ALDH7A1: variants seen among roughly 807,000 people sequenced by gnomAD.
The protein encoded by ALDH7A1 is aldehyde dehydrogenase 7 family member A1.
In ALDH7A1, 63 loss-of-function variants were observed where a neutral mutation model predicts 79.9. The observed-to-expected ratio is 0.79, with a 90% CI of 0.64 to 0.97. ALDH7A1 has a LOEUF of 0.97. ALDH7A1 is among the 50% of genes least tolerant of loss of function. ALDH7A1 has a pLI of 0.00. For synonymous variants in ALDH7A1, 240 were observed against 231.2 expected (o/e 1.04, Z -0.34); for missense variants, 627 against 665.2 (o/e 0.94, Z 0.63).
At chr5:126,577,544 AC>A (rs1320821023) in intron 5 of ALDH7A1, among the ~76,000 whole-genome samples, 2 of 152,112 alleles carry the variant, frequency 1.3e-5, no homozygotes, top group African/African-American at 2.4e-5. Flanking sequence ...GCAGAACATG[AC>A]CAGGGCACAG....
chr5:126,559,377 T>C (rs1388856758), intron 10 of ALDH7A1, 43 bp from the exon 11 acceptor site: 2 of 1,422,234 alleles, frequency 1.4e-6, no homozygotes, highest in Non-Finnish European at 2.0e-6. Context: ...CCAAAACAGG[T>C]AGACAAGGTA....
At chr5:126,566,542 C>T (rs1750589777) in intron 9 of ALDH7A1, among the ~76,000 whole-genome samples, 2 of 152,106 alleles carry the variant, frequency 1.3e-5, no homozygotes, top group Non-Finnish European at 2.9e-5. Context: ...TTATCTTATG[C>T]TGGGGTTAAA....
intron 16 of ALDH7A1, among the ~76,000 whole-genome samples, chr5:126,546,726 G>T (rs1028591964): frequency 3.3e-5 from 5 of 151,566 alleles, no homozygotes; most frequent in African/African-American, 1.2e-4. Flanking sequence ...GCCCACACAT[G>T]TTATTCATAG....
chr5:126,561,160 C>T, intron 9 of ALDH7A1, 36 bp from the exon 10 acceptor site: 2 of 1,529,024 alleles, frequency 1.3e-6, no homozygotes, highest in South Asian at 2.3e-5. Flanking sequence ...AAATTAATGC[C>T]TACTTCCATA....
chr5:126,582,557 G>T (rs1308459570), intron 5 of ALDH7A1, among the ~76,000 whole-genome samples: 1 of 152,034 alleles, frequency 6.6e-6, no homozygotes, highest in Admixed American at 6.6e-5. Context: ...TTAAAACTGG[G>T]CTCTTTAAAG....
chr5:126,575,046 A>C (rs964288963), intron 7 of ALDH7A1, among the ~76,000 whole-genome samples: 2 of 152,260 alleles, frequency 1.3e-5, no homozygotes, highest in African/African-American at 4.8e-5. Flanking sequence ...TCTATTAAGC[A>C]AAAGCAACAA....
At chr5:126,589,843 G>A (rs148659326) in intron 3 of ALDH7A1, among the ~76,000 whole-genome samples, 292 of 145,042 alleles carry the variant, frequency 2.0e-3, no homozygotes, top group African/African-American at 7.1e-3. Context: ...CCCAGCTGCC[G>A]CCCCATCTGG....
chr5:126,564,125 G>A (rs1750491771), intron 9 of ALDH7A1, among the ~76,000 whole-genome samples: 1 of 152,064 alleles, frequency 6.6e-6, no homozygotes, highest in Non-Finnish European at 1.5e-5. Flanking sequence ...CCAGCATAAA[G>A]ATCTGAGAGA....
rs1380433554 is a variant in ALDH7A1, at chr5:126,542,855, C to A, written c.*2110G>T. ...CTGCTGCAGCCAGGAGCCAGGTCTTCACCCACTTCCCAGGGAGTCACAAGA... is the reference window on the plus strand; with the variant it reads ...CTGCTGCAGCCAGGAGCCAGGTCTTAACCCACTTCCCAGGGAGTCACAAGA... On this transcript the variant is annotated 3_prime_UTR_variant, in exon 18 of 18. Coordinates refer to ENST00000409134, the MANE Select transcript of ALDH7A1 (RefSeq NM_001182.5). The A allele has an allele frequency of 3.9e-5, 6 of 152,226 alleles. No homozygotes were observed. Among genetic ancestry groups the A allele is most frequent in the African/African-American group, 1.4e-4 (6 of 41,456 alleles). The allele number at this position is 152,226 out of a possible 1,614,324, so 9.4% of individuals were successfully genotyped here. A position where few individuals can be genotyped will look rare whatever the true frequency, so the allele number is the denominator to read the frequency against.
At chr5:126,550,347 T>A in intron 14 of ALDH7A1, 54 bp from the exon 15 acceptor site, 1 of 1,331,014 alleles carries the variant, frequency 7.5e-7, no homozygotes, top group Non-Finnish European at 1.1e-6. Context: ...AAGTCAAAGT[T>A]CACTGACATT....
At chr5:126,565,749 G>T (rs4836277) in intron 9 of ALDH7A1, among the ~76,000 whole-genome samples, 80,742 of 152,030 alleles carry the variant, frequency 0.53, 22,835 homozygotes, top group East Asian at 0.83. Context: ...TGATACATTT[G>T]GAGTTTGTCT....
rs537247730 is a variant in ALDH7A1, at chr5:126,583,202, C to T, written c.394-228G>A. On this transcript the variant is annotated intron_variant, in intron 4 of 17. Coordinates refer to ENST00000409134, the MANE Select transcript of ALDH7A1 (RefSeq NM_001182.5). Reference sequence around the variant, plus strand: ...ATTTTTAAAATATATAAAGTACAACCGGGCACAGTGGCTCATGCCTATAAT... The same window carrying T: ...ATTTTTAAAATATATAAAGTACAACTGGGCACAGTGGCTCATGCCTATAAT... 1.8e-4 allele frequency among the ~76,000 whole-genome samples: 28 copies of T among 152,304 alleles called. No homozygotes were observed. The East Asian group carries it at 2.7e-3, about 15-fold the overall frequency.
chr5:126,578,476 CA>C (rs1315679232), intron 5 of ALDH7A1, among the ~76,000 whole-genome samples: 1 of 150,678 alleles, frequency 6.6e-6, no homozygotes, highest in Non-Finnish European at 1.5e-5. Context: ...CCTGACTCTA[CA>C]AAAAAAATTA....
intron 16 of ALDH7A1, among the ~76,000 whole-genome samples, chr5:126,547,884 T>C (rs568206210): frequency 6.6e-6 from 1 of 152,144 alleles, no homozygotes; most frequent in African/African-American, 2.4e-5. Context: ...ACCCCATCTC[T>C]ACTAAAAAAA....
At chr5:126,566,677 A>G (rs1367361242) in intron 9 of ALDH7A1, among the ~76,000 whole-genome samples, 2 of 152,160 alleles carry the variant, frequency 1.3e-5, no homozygotes, top group Non-Finnish European at 2.9e-5. Flanking sequence ...TCAATCATGT[A>G]TCCAGGATCC....
At chr5:126,594,205 C>G (rs1398075969) in intron 1 of ALDH7A1, 1 of 471,050 alleles carries the variant, frequency 2.1e-6, no homozygotes, top group Admixed American at 2.3e-5. Context: ...AAATCCAGTC[C>G]TCAAAGGAGT....
At chr5:126,556,423 T>C (rs1016344301) in intron 11 of ALDH7A1, among the ~76,000 whole-genome samples, 1 of 152,044 alleles carries the variant, frequency 6.6e-6, no homozygotes, top group African/African-American at 2.4e-5. Context: ...TTTGTATTTT[T>C]AGTAGAGACA....
chr5:126,565,461 T>A (rs938755058), intron 9 of ALDH7A1, among the ~76,000 whole-genome samples: 2 of 151,360 alleles, frequency 1.3e-5, no homozygotes, highest in African/African-American at 2.4e-5. Context: ...TTAATTGGGT[T>A]GTCTTTTATA....
At chr5:126,562,052 G>A (rs1055209005) in intron 9 of ALDH7A1, 16 of 151,984 alleles carry the variant, frequency 1.1e-4, no homozygotes, top group Admixed American at 9.8e-4. Flanking sequence ...AGTAAGGCAG[G>A]GACTCTATAG....
Sources: gnomAD v4.1 joint callset for allele counts (sites outside exome capture counted in the v4.1 genomes callset) on GRCh38, gnomAD v4.1.1 for gene constraint, MANE v1.5 for transcripts, NCBI Gene and HGNC (gene_info 2026-07-23, HGNC 2026-07-21) for gene names.